The following NQO2 variants were observed in gnomAD, a reference collection of about 807,000 sequenced individuals.
NQO2 encodes ribosyldihydronicotinamide dehydrogenase [quinone].
NQO2 carries 18 observed loss-of-function variants against 22.0 expected under a neutral mutation model. The observed-to-expected ratio is 0.82, with a 90% confidence interval of 0.56 to 1.21. The LOEUF (loss-of-function observed/expected upper bound fraction) is 1.21, where lower values mean the gene tolerates loss of function less well. Ranked by LOEUF, NQO2 falls within the 50% of genes most tolerant of loss-of-function variation. NQO2 has a pLI of 0.00. For synonymous variants in NQO2, 106 were observed against 110.8 expected, an observed-to-expected ratio of 0.96 and a Z score of 0.28; for missense variants, 267 against 286.9, an observed-to-expected ratio of 0.93 and a Z score of 0.50.
rs1003300307 is a variant in NQO2, at chr6:3,004,496, G to A, written c.-85-1972G>A. ...GCCTCTTTTCCTTTCCATCCACAGG[G>A]CACCTGGCCTGGGTGGAGCCCACTC... On this transcript the variant is annotated intron_variant, in intron 1 of 6. Coordinates refer to ENST00000380455, the MANE Select transcript of NQO2 (RefSeq NM_000904.6). 4.3e-5 allele frequency: 42 copies of A among 985,842 alleles called. No homozygotes were observed. The Admixed American group carries it at 4.9e-4, about 12-fold the overall frequency. 61.1% of individuals were successfully genotyped at this position (985,842 alleles called of 1,614,324 possible).
chr6:3,007,183 T>G (rs1427557405), intron 2 of NQO2, among the ~76,000 whole-genome samples: 1 of 152,102 alleles, frequency 6.6e-6, no homozygotes, highest in Admixed American at 6.5e-5. Flanking sequence ...GCACCCTGTT[T>G]AGCACCTAGC....
At chr6:3,009,917 C>T in intron 2 of NQO2, 108 bp from the exon 3 acceptor site, 1 of 1,458,244 alleles carries the variant, frequency 6.9e-7, no homozygotes, top group Non-Finnish European at 9.1e-7. Context: ...TATTTCTTAG[C>T]TTCAATTACT....
At chr6:3,005,086 T>G (rs1379392666) in intron 1 of NQO2, among the ~76,000 whole-genome samples, 1 of 152,158 alleles carries the variant, frequency 6.6e-6, no homozygotes, top group Non-Finnish European at 1.5e-5. Context: ...TGAGCCACGG[T>G]GCCTGACCTC....
At chr6:3,017,849 C>T (rs774811022) in intron 6 of NQO2, among the ~76,000 whole-genome samples, 33 of 152,118 alleles carry the variant, frequency 2.2e-4, no homozygotes, top group Non-Finnish European at 4.0e-4. Context: ...GGAAAATGCA[C>T]GCGTCACCCC....
At chr6:3,000,755 T>C (rs894187291) in intron 1 of NQO2, among the ~76,000 whole-genome samples, 3 of 152,118 alleles carry the variant, frequency 2.0e-5, no homozygotes, top group Admixed American at 2.0e-4. Flanking sequence ...GTCAGGCTGG[T>C]CTCAAACTCC....
chr6:3,013,637 A>G (rs1314742560), intron 4 of NQO2, among the ~76,000 whole-genome samples: 2 of 152,096 alleles, frequency 1.3e-5, no homozygotes, highest in African/African-American at 4.8e-5. Flanking sequence ...CAAGGAGGTG[A>G]TGCCACTGCA....
intron 6 of NQO2, among the ~76,000 whole-genome samples, chr6:3,017,843 A>T (rs1411060239): frequency 6.6e-6 from 1 of 152,038 alleles, no homozygotes; most frequent in East Asian, 1.9e-4. Flanking sequence ...TTGCTGGGAA[A>T]ATGCACGCGT....
At chr6:3,000,794 C>T (rs534231236) in intron 1 of NQO2, among the ~76,000 whole-genome samples, 7 of 151,952 alleles carry the variant, frequency 4.6e-5, no homozygotes, top group African/African-American at 1.4e-4. Flanking sequence ...GCCTGGGCCT[C>T]CCAAAGTGCT....
intron 1 of NQO2, among the ~76,000 whole-genome samples, chr6:3,002,901 G>A (rs1025064317): frequency 2.0e-5 from 3 of 152,082 alleles, no homozygotes; most frequent in African/African-American, 7.2e-5. Context: ...TTACAGGCAT[G>A]CACCACCACA....
chr6:3,013,902 A>G (rs1757233914), intron 4 of NQO2, among the ~76,000 whole-genome samples: 1 of 152,186 alleles, frequency 6.6e-6, no homozygotes, highest in African/African-American at 2.4e-5. Context: ...TCTCGTCCAC[A>G]GATTCCCATC....
At chr6:3,017,887 G>A (rs1227077301) in intron 6 of NQO2, among the ~76,000 whole-genome samples, 2 of 152,148 alleles carry the variant, frequency 1.3e-5, no homozygotes, top group African/African-American at 2.4e-5. Context: ...CTAGGTGCAC[G>A]TGCCTTGCCC....
At chr6:3,004,956 G>A (rs1020245738) in intron 1 of NQO2, among the ~76,000 whole-genome samples, 10 of 151,976 alleles carry the variant, frequency 6.6e-5, no homozygotes, top group East Asian at 1.9e-4. Flanking sequence ...CACCACGCCC[G>A]GCTAATTTTT....
Position 3,006,379 on chromosome 6 carries a change from G to T in NQO2, c.-85-89G>T. On this transcript the variant is annotated intron_variant, in intron 1 of 6. Coordinates refer to ENST00000380455, the MANE Select transcript of NQO2 (RefSeq NM_000904.6). This position sits in a 1 kb window ranked among gnomAD's most constrained non-coding sequence, Gnocchi z 4.0. ...CTTTCTCTGATGTGTTTGCGTGTCT[G>T]TCAGGAAGCAGCAGTGATGCCTAGA... The T allele has an allele frequency of 2.8e-6, 4 of 1,427,080 alleles. No individual in the cohort carries two copies. In the South Asian group the frequency reaches 6.3e-5, roughly 23 times the overall value. The allele number at this position is 1,427,080 out of a possible 1,614,324, so 88.4% of individuals were successfully genotyped here. A position where few individuals can be genotyped will look rare whatever the true frequency, so the allele number is the denominator to read the frequency against.
At chr6:3,017,094 C>CA in intron 6 of NQO2, 109 bp downstream of exon 6, 1 of 1,291,988 alleles carries the variant, frequency 7.7e-7, no homozygotes, top group Non-Finnish European at 1.1e-6. Context: ...GCCCTCAGCT[C>CA]CCCGAGGGGT....
chr6:3,011,261 T>G (rs989346599), intron 3 of NQO2, among the ~76,000 whole-genome samples: 7 of 152,254 alleles, frequency 4.6e-5, no homozygotes, highest in African/African-American at 1.7e-4. Context: ...ACAAAGAGAT[T>G]GAAATAATTT....
At chr6:3,012,768 AT>A in intron 4 of NQO2, 94 bp downstream of exon 4, 1 of 1,347,990 alleles carries the variant, frequency 7.4e-7, no homozygotes, top group Non-Finnish European at 1.0e-6. Flanking sequence ...TGGAAGTGGC[AT>A]CAATGTTTTG....
chr6:3,015,551 G>A lies in NQO2; in HGVS notation c.325G>A (p.Val109Met), dbSNP rs201963336. ...ACAGTTCCCGCTGTACTGGTTCAGC[G>A]TGCCAGCCATCCTGAAGGGCTGGAT... is the stretch of plus-strand genomic sequence containing the variant. ...IFQFPLYWFS[V>M]PAILKGWMDR... is the part of the protein sequence containing the mutation. The change falls in exon 5 of 7, where the codon GTG becomes ATG. Residue 109 changes from valine to methionine, a missense_variant. Val to Met is a conservative substitution (Grantham distance 21, BLOSUM62 1). Coordinates refer to ENST00000380455, the MANE Select transcript of NQO2 (RefSeq NM_000904.6). 126 of 1,614,112 alleles carry A rather than the reference G, an allele frequency of 7.8e-5. No homozygotes were observed. The highest frequency in any genetic ancestry group is 6.7e-4 in the Admixed American group (40 of 60,004).
chr6:3,001,679 G>A (rs1321587468), intron 1 of NQO2, among the ~76,000 whole-genome samples: 2 of 152,140 alleles, frequency 1.3e-5, no homozygotes, highest in South Asian at 4.1e-4. Context: ...CTGTCCACAT[G>A]GAAAGAGGCA....
In NQO2 at chr6:3,019,678, G is replaced by T; in HGVS notation, c.*23G>T. On this transcript the variant is annotated 3_prime_UTR_variant, in exon 7 of 7. Coordinates refer to ENST00000380455, the MANE Select transcript of NQO2 (RefSeq NM_000904.6). The stretch of plus-strand genomic sequence containing the variant: ...TAACTCTGTGGCACGTGGGCATCAC[G>T]TAAGCAGCACACTAGGAGGCCCAGG... The T allele has an allele frequency of 6.3e-7, 1 of 1,576,884 alleles. No homozygotes were observed.
Sources: gnomAD v4.1 joint callset for allele counts (sites outside exome capture counted in the v4.1 genomes callset) on GRCh38, gnomAD v4.1.1 for gene constraint, Gnocchi (gnomAD v3.1) non-coding constraint, MANE v1.5 for transcripts, NCBI Gene and HGNC (gene_info 2026-07-23, HGNC 2026-07-21) for gene names.